The following CUX1 variants were observed in gnomAD, a reference collection of about 807,000 sequenced individuals.
CUX1 encodes cut like homeobox 1, also known as protein CASP.
In CUX1, 31 loss-of-function variants were observed where a neutral mutation model predicts 158.8. That is an observed-to-expected ratio of 0.20 (90% CI 0.15 to 0.26). CUX1 has a LOEUF of 0.26. Ranked by LOEUF, CUX1 falls within the 10% of genes least tolerant of loss-of-function variation. The pLI, the probability that CUX1 is intolerant of heterozygous loss-of-function variation, is 1.00. For synonymous variants in CUX1, 879 were observed against 862.1 expected, an observed-to-expected ratio of 1.02 and a Z score of -0.34; for missense variants, 1,589 against 2,014.6, an observed-to-expected ratio of 0.79 and a Z score of 4.04.
At chr7:102,269,799 A>G (rs1791084209) in intron 14 of CUX1, among the ~76,000 whole-genome samples, 1 of 149,176 alleles carries the variant, frequency 6.7e-6, no homozygotes, top group African/African-American at 2.4e-5. Context: ...ACTTTCCCTC[A>G]TCTTACTGTC....
chr7:101,825,603 G>A (rs757466025), intron 1 of CUX1, among the ~76,000 whole-genome samples: 2 of 152,200 alleles, frequency 1.3e-5, no homozygotes, highest in Admixed American at 6.5e-5. Context: ...TGTCAGCATC[G>A]ATGTGGGACT....
In CUX1 at chr7:101,851,049, CA is replaced by C. The variant is rs1796218418; in HGVS notation, c.30+33381del. Among the ~76,000 whole-genome samples, 3 of 152,242 alleles carry C rather than the reference CA, an allele frequency of 2.0e-5. No individual in the cohort carries two copies. The South Asian group carries it at 6.2e-4, about 32-fold the overall frequency. On this transcript the variant is annotated intron_variant, in intron 1 of 23. Coordinates refer to ENST00000292535, the MANE Select transcript of CUX1 (RefSeq NM_181552.4). Reference sequence around the variant, plus strand: ...GCTTAAGCTGGGGAGGTCAAGGATGCAGTGAGCTATGACCACACCCCTGTAC... The same window carrying C: ...GCTTAAGCTGGGGAGGTCAAGGATGCGTGAGCTATGACCACACCCCTGTAC...
chr7:102,075,275 G>C (rs986179130), intron 4 of CUX1, among the ~76,000 whole-genome samples: 1 of 152,186 alleles, frequency 6.6e-6, no homozygotes, highest in African/African-American at 2.4e-5. Context: ...GGTGGCATGA[G>C]TCTAAGTGCT....
chr7:102,243,677 T>TAATAATAATAATAATAAA (rs544002750), intron 23 of CUX1, among the ~76,000 whole-genome samples: 1 of 139,054 alleles, frequency 7.2e-6, no homozygotes, highest in African/African-American at 2.8e-5. Flanking sequence ...ATAATAATAA[T>TAATAATAATAATAATAAA]AAAATAAATG....
chr7:102,260,570 CTTTTTTTTTTTTTT>C (rs55642237), downstream of CUX1, among the ~76,000 whole-genome samples: 1 of 51,050 alleles, frequency 2.0e-5, no homozygotes, highest in Non-Finnish European at 3.2e-5. Flanking sequence ...CCACACCTGG[CTTTTTTTTTTTTTT>C]TTTTTTTTTT....
intron 7 of CUX1, among the ~76,000 whole-genome samples, chr7:102,113,331 C>T (rs535390392): frequency 2.0e-4 from 31 of 152,104 alleles, no homozygotes; most frequent in Admixed American, 5.2e-4. Flanking sequence ...CTCTGCTCCC[C>T]GGGTTCAAGT....
chr7:101,849,858 T>G (rs1796085819), intron 1 of CUX1, among the ~76,000 whole-genome samples: 1 of 151,960 alleles, frequency 6.6e-6, no homozygotes, highest in South Asian at 2.1e-4. Context: ...CTTTTTGACT[T>G]TTTAATAATA....
intron 1 of CUX1, among the ~76,000 whole-genome samples, chr7:101,912,603 A>G (rs1419613249): frequency 6.6e-6 from 1 of 152,178 alleles, no homozygotes; most frequent in East Asian, 1.9e-4. Flanking sequence ...CCCTCTGGAG[A>G]GAGCCAGGCA....
intron 11 of CUX1, among the ~76,000 whole-genome samples, chr7:102,179,425 C>A (rs988236522): frequency 5.3e-5 from 8 of 152,160 alleles, no homozygotes; most frequent in African/African-American, 1.9e-4. Context: ...ATAACTCCAG[C>A]ACTTCCGGTG....
At chr7:102,123,633 A>G (rs868930481) in intron 8 of CUX1, among the ~76,000 whole-genome samples, 1 of 149,030 alleles carries the variant, frequency 6.7e-6, no homozygotes, top group Non-Finnish European at 1.5e-5. Flanking sequence ...AAAAATTATC[A>G]TACAGTCTCT....
intron 2 of CUX1, among the ~76,000 whole-genome samples, chr7:101,993,452 G>T (rs1480809458): frequency 1.3e-5 from 2 of 152,238 alleles, no homozygotes; most frequent in Non-Finnish European, 2.9e-5. Flanking sequence ...CTGATGGGGG[G>T]TGGGAGTATG....
chr7:102,153,224 C>T (rs1173151204), intron 8 of CUX1: 1 of 152,292 alleles, frequency 6.6e-6, no homozygotes, highest in African/African-American at 2.4e-5. Flanking sequence ...AAGCCCCACC[C>T]AGGCCCCATA....
At chr7:102,222,788 C>T (rs1253777106) in intron 20 of CUX1, among the ~76,000 whole-genome samples, 2 of 129,586 alleles carry the variant, frequency 1.5e-5, no homozygotes, top group African/African-American at 5.6e-5. Context: ...TAGCTCCTGG[C>T]TGTGTGTCTC....
intron 6 of CUX1, among the ~76,000 whole-genome samples, chr7:102,110,903 C>G (rs1185812037): frequency 2.0e-5 from 3 of 152,116 alleles, no homozygotes; most frequent in South Asian, 4.1e-4. Context: ...TTCCCATGCT[C>G]TTGTCATATT....
chr7:101,984,887 C>A (rs1814076512), intron 2 of CUX1, among the ~76,000 whole-genome samples: 1 of 152,164 alleles, frequency 6.6e-6, no homozygotes, highest in Non-Finnish European at 1.5e-5. Flanking sequence ...AAGTTTCTAA[C>A]TTTTCAAATA....
At chr7:102,021,689 C>G (rs1819394704) in intron 2 of CUX1, among the ~76,000 whole-genome samples, 1 of 140,072 alleles carries the variant, frequency 7.1e-6, no homozygotes, top group South Asian at 2.2e-4. Context: ...TTCTGAGTAG[C>G]TGGGATTATA....
chr7:101,825,212 G>A (rs1324776200), intron 1 of CUX1, among the ~76,000 whole-genome samples: 1 of 152,236 alleles, frequency 6.6e-6, no homozygotes, highest in Non-Finnish European at 1.5e-5. Context: ...TATTCACACA[G>A]TAGAGATGTT....
At chr7:102,268,427 C>T (rs556768726) in intron 14 of CUX1, among the ~76,000 whole-genome samples, 13 of 152,252 alleles carry the variant, frequency 8.5e-5, no homozygotes, top group African/African-American at 3.1e-4. Flanking sequence ...ACCCTCCTGC[C>T]TCATCTTGGT....
intron 14 of CUX1, among the ~76,000 whole-genome samples, chr7:102,272,406 C>T (rs1791283196): frequency 6.6e-6 from 1 of 152,264 alleles, no homozygotes; most frequent in African/African-American, 2.4e-5. Flanking sequence ...ACAGTGCCCC[C>T]TGGCGGCTGT....
Sources: gnomAD v4.1 joint callset for allele counts (sites outside exome capture counted in the v4.1 genomes callset) on GRCh38, gnomAD v4.1.1 for gene constraint, MANE v1.5 for transcripts, NCBI Gene and HGNC (gene_info 2026-07-23, HGNC 2026-07-21) for gene names.